Variants in ADGRG6 observed in about 807,000 individuals in gnomAD.
ADGRG6 encodes adhesion G protein-coupled receptor G6.
ADGRG6 carries 84 observed loss-of-function variants against 142.4 expected under a neutral mutation model. That is an observed-to-expected ratio of 0.59 (90% CI 0.49 to 0.71). ADGRG6 has a LOEUF of 0.71. ADGRG6 is among the 30% of genes least tolerant of loss of function. The pLI is 0.00. For synonymous variants in ADGRG6, 521 were observed against 520.5 expected (o/e 1.00, Z -0.01); for missense variants, 1,367 against 1,466.6 (o/e 0.93, Z 1.11).
At chr6:142,362,241 T>C (rs949280600) in intron 2 of ADGRG6, among the ~76,000 whole-genome samples, 1 of 152,246 alleles carries the variant, frequency 6.6e-6, no homozygotes, top group Admixed American at 6.5e-5. Context: ...TTAATTGAAC[T>C]GATTCAAGTA....
intron 4 of ADGRG6, among the ~76,000 whole-genome samples, chr6:142,375,721 A>G (rs1205313056): frequency 6.6e-6 from 1 of 152,178 alleles, no homozygotes; most frequent in Non-Finnish European, 1.5e-5. Flanking sequence ...TCTGCTAAAT[A>G]TGAGCTTTTA....
At chr6:142,429,301 A>G (rs1383541133) in intron 22 of ADGRG6, among the ~76,000 whole-genome samples, 1 of 152,226 alleles carries the variant, frequency 6.6e-6, no homozygotes, top group Non-Finnish European at 1.5e-5. Context: ...TAGGAGCCTC[A>G]TGAAAGTTGA....
chr6:142,354,542 G>T (rs1438153761), intron 2 of ADGRG6, among the ~76,000 whole-genome samples: 2 of 152,068 alleles, frequency 1.3e-5, no homozygotes, highest in Non-Finnish European at 2.9e-5. Flanking sequence ...CAAATTCAGT[G>T]TGATACCTAC....
At chr6:142,309,447 T>C (rs944148306) in intron 1 of ADGRG6, 97 bp from the exon 2 acceptor site, 13 of 718,824 alleles carry the variant, frequency 1.8e-5, no homozygotes, top group African/African-American at 3.7e-5. Context: ...AAAGGTTTAT[T>C]TTCCAGTCCC....
chr6:142,338,037 T>TTTGTTTTTTTTTTTGAGACGGAG (rs1299489639), intron 2 of ADGRG6, among the ~76,000 whole-genome samples: 1 of 121,704 alleles, frequency 8.2e-6, no homozygotes, highest in Non-Finnish European at 1.7e-5. Context: ...TTTTTTTTTT[T>TTTGTTTTTTTTTTTGAGACGGAG]TGAGACGGAG....
intron 2 of ADGRG6, among the ~76,000 whole-genome samples, chr6:142,354,312 G>A (rs577270848): frequency 4.1e-4 from 62 of 152,276 alleles, no homozygotes; most frequent in African/African-American, 1.4e-3. Context: ...GAACTTGGGA[G>A]GCGGAGGTTG....
chr6:142,302,511 T>C (rs1414261283), intron 1 of ADGRG6, 180 bp downstream of exon 1: 1 of 589,332 alleles, frequency 1.7e-6, no homozygotes, highest in East Asian at 3.0e-5. Flanking sequence ...AGTAGGACTA[T>C]TGCCAAGTGG....
At chr6:142,353,207 C>A (rs974285188) in intron 2 of ADGRG6, among the ~76,000 whole-genome samples, 2 of 152,112 alleles carry the variant, frequency 1.3e-5, no homozygotes, top group East Asian at 3.9e-4. Flanking sequence ...TGGGCTCCCA[C>A]CCAAGCTAAA....
At chr6:142,360,197 G>A (rs1420350168) in intron 2 of ADGRG6, among the ~76,000 whole-genome samples, 2 of 152,130 alleles carry the variant, frequency 1.3e-5, no homozygotes, top group Admixed American at 1.3e-4. Context: ...TTATAAGGAG[G>A]ATAAAAACAA....
chr6:142,397,530 A>G, intron 9 of ADGRG6, 83 bp from the exon 10 acceptor site: 3 of 1,270,274 alleles, frequency 2.4e-6, no homozygotes, highest in Non-Finnish European at 3.4e-6. Flanking sequence ...TCATCCCTCT[A>G]CATCCAAATA....
intron 2 of ADGRG6, among the ~76,000 whole-genome samples, chr6:142,347,764 T>C (rs9399401): frequency 0.31 from 47,595 of 151,988 alleles, 7,656 homozygotes; most frequent in African/African-American, 0.38. Context: ...TTTGTCTCAG[T>C]GCAAAAGAGT....
chr6:142,397,896 A>G (rs2115000447), intron 10 of ADGRG6, 141 bp downstream of exon 10: 1 of 518,196 alleles, frequency 1.9e-6, no homozygotes, highest in South Asian at 3.5e-5. Flanking sequence ...TAACAAATGA[A>G]TGACATAGCA....
chr6:142,420,225 G>C (rs140151684), intron 22 of ADGRG6, 121 bp downstream of exon 22: 1 of 743,530 alleles, frequency 1.3e-6, no homozygotes, highest in East Asian at 2.5e-5. Context: ...GCTGAATATA[G>C]TTCCATGTGC....
chr6:142,442,585 A>G (rs1360350946), intron 24 of ADGRG6, among the ~76,000 whole-genome samples: 15 of 152,068 alleles, frequency 9.9e-5, no homozygotes, highest in Non-Finnish European at 2.2e-4. Context: ...CAATAACATC[A>G]TTCAGAAACT....
intron 6 of ADGRG6, among the ~76,000 whole-genome samples, chr6:142,386,903 T>C (rs1782056778): frequency 6.6e-6 from 1 of 152,028 alleles, no homozygotes; most frequent in Non-Finnish European, 1.5e-5. Context: ...GAATCCAAGG[T>C]ACACAGCTTT....
intron 22 of ADGRG6, among the ~76,000 whole-genome samples, chr6:142,431,242 C>A (rs1413402558): frequency 1.3e-5 from 2 of 151,924 alleles, no homozygotes; most frequent in African/African-American, 4.8e-5. Context: ...CCTTATTGTT[C>A]TAGCATGGAA....
chr6:142,317,751 TTTATA>T (rs1215357391), intron 2 of ADGRG6, among the ~76,000 whole-genome samples: 5 of 107,938 alleles, frequency 4.6e-5, no homozygotes, highest in South Asian at 4.6e-4. Context: ...ATAATATATA[TTTATA>T]TTATATATAT....
At chr6:142,311,511 A>G (rs1336348509) in intron 2 of ADGRG6, among the ~76,000 whole-genome samples, 1 of 151,906 alleles carries the variant, frequency 6.6e-6, no homozygotes, top group Non-Finnish European at 1.5e-5. Flanking sequence ...CTTATAATGA[A>G]CTCCCAAGCC....
chr6:142,338,811 T>C (rs983430917), intron 2 of ADGRG6, among the ~76,000 whole-genome samples: 2 of 152,208 alleles, frequency 1.3e-5, no homozygotes, highest in Non-Finnish European at 2.9e-5. Context: ...AATGCCTATA[T>C]GTCTTCTAGT....
Sources: gnomAD v4.1 joint callset for allele counts (sites outside exome capture counted in the v4.1 genomes callset) on GRCh38, gnomAD v4.1.1 for gene constraint, MANE v1.5 for transcripts, NCBI Gene and HGNC (gene_info 2026-07-23, HGNC 2026-07-21) for gene names.